The following XRN1 variants were observed in gnomAD, a reference collection of about 807,000 sequenced individuals.
The protein encoded by XRN1 is strand-exchange protein 1 homolog.
A neutral mutation model predicts 222.3 loss-of-function variants in XRN1; 67 were observed. The ratio of observed to expected loss-of-function variants is 0.30; its 90% CI spans 0.25 to 0.37. The LOEUF (loss-of-function observed/expected upper bound fraction) is 0.37. Among genes scored for constraint, XRN1 ranks in the 10% least tolerant of loss-of-function variants. The pLI is 1.00. For synonymous variants in XRN1, 643 were observed against 652.4 expected, an observed-to-expected ratio of 0.99 and a Z score of 0.22; for missense variants, 1,707 against 2,000.2, an observed-to-expected ratio of 0.85 and a Z score of 2.80.
In XRN1 at chr3:142,311,628, A is replaced by C; in HGVS notation, c.4968T>G (p.Val1656=). The change falls in exon 41 of 41, where the codon GTT becomes GTG. Residue 1656 remains valine, a synonymous_variant. Transcript: ENST00000392981. ...PIAQPASSFQ[V]ETASQGHSIS... is the part of the protein sequence containing the mutation. Reference sequence around the variant, plus strand: ...TACTATGGCCTTGAGAGGCAGTTTCAACTTGAAAAGAAGATGCAGGTTGAG... The same window carrying C: ...TACTATGGCCTTGAGAGGCAGTTTCCACTTGAAAAGAAGATGCAGGTTGAG... 3 of 1,614,158 alleles carry C rather than the reference A, an allele frequency of 1.9e-6. No homozygotes were observed. Among genetic ancestry groups the C allele is most frequent in the Non-Finnish European group, 2.5e-6 (3 of 1,180,022 alleles).
rs1216196955 is a variant in XRN1, at chr3:142,425,350, T to A, written c.517-18A>T. 3.1e-6 allele frequency: 5 copies of A among 1,588,160 alleles called. No homozygotes were observed. Among genetic ancestry groups the A allele is most frequent in the East Asian group, 2.2e-5 (1 of 44,538 alleles). ...CCAGGAGTCTAAATAAAATTGTTTT[T>A]AAAAATGCAGTAATATGGTATATGC... On this transcript the variant is annotated intron_variant, in intron 4 of 40. Coordinates refer to ENST00000392981, the MANE Select transcript of XRN1 (RefSeq NM_001282857.2).
chr3:142,376,240 C>T, intron 24 of XRN1: 1 of 609,766 alleles, frequency 1.6e-6, no homozygotes, highest in Non-Finnish European at 2.7e-6. Flanking sequence ...TTCACACACA[C>T]CCTCTGATAC....
At position 142,420,916 on chromosome 3, in the gene XRN1, C is replaced by T. The variant is rs190041092; in HGVS notation, c.1173+100G>A. 8.2e-4 allele frequency: 1,220 copies of T among 1,487,564 alleles called. 12 individuals carry two copies. The African/African-American group carries it at 0.016, about 19-fold the overall frequency. 92.1% of individuals were successfully genotyped at this position (1,487,564 alleles called of 1,614,324 possible). A position where few individuals can be genotyped will look rare whatever the true frequency, so the allele number is the denominator to read the frequency against. On this transcript the variant is annotated intron_variant, in intron 10 of 40. Transcript: ENST00000392981. ...CCTATAGAGAGGAAGAGAAATAAAA[C>T]GAGGCAATCCCAAATCATAAGAAGG...
rs147985894 is a variant in XRN1 at position 142,414,784 on chromosome 3, T to C, written c.1437-493A>G. ...TGCTGGGATTACAGGCGTAAGCCAC[T>C]GCGCCTGGCCTATTTCCTGAATTTT... On this transcript the variant is annotated intron_variant, in intron 13 of 40. Transcript: ENST00000392981. Among the ~76,000 whole-genome samples the C allele has an allele frequency of 9.4e-3, 1,433 of 152,354 alleles. 22 individuals carry two copies. The highest frequency in any genetic ancestry group is 0.033 in the African/African-American group (1,356 of 41,582).
chr3:142,411,917 G>A (rs2068598167), intron 15 of XRN1, among the ~76,000 whole-genome samples: 1 of 151,758 alleles, frequency 6.6e-6, no homozygotes, highest in South Asian at 2.1e-4. Context: ...CGCCCCCGGG[G>A]GTTCACGCCA....
chr3:142,419,044 C>T (rs535088332), intron 10 of XRN1, among the ~76,000 whole-genome samples, 163 bp from the exon 11 acceptor site: 1 of 152,286 alleles, frequency 6.6e-6, no homozygotes, highest in Admixed American at 6.5e-5. Context: ...TCAATCCTTT[C>T]TCTCCTCTAT....
chr3:142,331,552 T>C (rs2065696233), intron 36 of XRN1, among the ~76,000 whole-genome samples: 1 of 152,208 alleles, frequency 6.6e-6, no homozygotes, highest in South Asian at 2.1e-4. Context: ...TAATCTGTAA[T>C]GTATTATTCT....
At chr3:142,312,543 C>A in intron 40 of XRN1, 55 bp downstream of exon 40, 1 of 1,423,404 alleles carries the variant, frequency 7.0e-7, no homozygotes. Flanking sequence ...AAATGTTTAT[C>A]AATAGTCTTT....
At chr3:142,397,881 T>C (rs2067986985) in intron 19 of XRN1, among the ~76,000 whole-genome samples, 1 of 152,116 alleles carries the variant, frequency 6.6e-6, no homozygotes, top group Non-Finnish European at 1.5e-5. Context: ...AATTTGAAAA[T>C]TACATGTCAT....
At chr3:142,332,798 A>C in intron 35 of XRN1, 169 bp downstream of exon 35, 1 of 1,046,474 alleles carries the variant, frequency 9.6e-7, no homozygotes, top group Non-Finnish European at 1.3e-6. Flanking sequence ...CTAAAGAGAA[A>C]AAGTATGGCT....
At chr3:142,406,694 T>C (rs372025057) in intron 15 of XRN1, among the ~76,000 whole-genome samples, 5,649 of 139,774 alleles carry the variant, frequency 0.04, 356 homozygotes, top group African/African-American at 0.14. Context: ...ATCCAGTTCA[T>C]TTTTTTTTTT....
chr3:142,348,739 C>T (rs560450291), intron 32 of XRN1, among the ~76,000 whole-genome samples: 1 of 152,134 alleles, frequency 6.6e-6, no homozygotes, highest in African/African-American at 2.4e-5. Context: ...ATGGGAGTAC[C>T]AAGGAAGACC....
rs940749585 is a variant in XRN1 at position 142,397,177 on chromosome 3, T to C, written c.2339+152A>G. ...TGTAACTACTGCTAATCAGGTATCA[T>C]TTTAAACTAGAACTCATTACTTTCT... is the stretch of plus-strand genomic sequence containing the variant. On this transcript the variant is annotated intron_variant, in intron 20 of 40. Transcript: ENST00000392981. 1.7e-5 allele frequency: 12 copies of C among 690,300 alleles called. No homozygotes were observed. In the African/African-American group the frequency reaches 2.2e-4, roughly 13 times the overall value. The allele number at this position is 690,300 out of a possible 1,614,324, so 42.8% of individuals were successfully genotyped here.
At chr3:142,393,299 T>C (rs1432378074) in intron 20 of XRN1, among the ~76,000 whole-genome samples, 2 of 149,530 alleles carry the variant, frequency 1.3e-5, no homozygotes, top group African/African-American at 5.0e-5. Flanking sequence ...GATGGTAGTT[T>C]CTTTTGCTGT....
intron 15 of XRN1, among the ~76,000 whole-genome samples, chr3:142,408,245 T>C (rs570295617): frequency 9.9e-5 from 15 of 152,282 alleles, no homozygotes; most frequent in African/African-American, 3.6e-4. Context: ...AGTAATACAG[T>C]GAGTAATGCA....
At chr3:142,334,673 A>G (rs973862776) in intron 34 of XRN1, among the ~76,000 whole-genome samples, 1 of 125,964 alleles carries the variant, frequency 7.9e-6, no homozygotes, top group Admixed American at 8.1e-5. Context: ...ATATATGTCT[A>G]TGTGTATATA....
intron 22 of XRN1, among the ~76,000 whole-genome samples, chr3:142,381,194 ATGTG>A (rs1377771949): frequency 1.3e-5 from 2 of 152,096 alleles, no homozygotes; most frequent in Non-Finnish European, 2.9e-5. Flanking sequence ...TTTGTGTACT[ATGTG>A]TGTATTTACT....
Position 142,422,584 on chromosome 3 carries a change from C to A in XRN1, c.965G>T (p.Gly322Val). The change falls in exon 8 of 41, where the codon GGG (glycine) becomes GTG (valine). Residue 322 changes from glycine (G) to valine (V), a missense_variant and splice_region_variant. Gly to Val is a moderately radical substitution (Grantham distance 109). Transcript: ENST00000392981. Reference protein sequence around the residue: ...GTYVTILPELGGYINESGHLN... With the variant: ...GTYVTILPELVGYINESGHLN... ...AGAGATTATTAAATTCTTCTTACCC[C>A]CAAGTTCTGGCAGGATGGTAACATA... The A allele has an allele frequency of 6.2e-7, 1 of 1,612,626 alleles. No individual in the cohort carries two copies. The highest frequency in any genetic ancestry group is 1.1e-5 in the South Asian group (1 of 90,780).
chr3:142,409,806 T>C (rs1319817404), intron 15 of XRN1, among the ~76,000 whole-genome samples: 1 of 152,234 alleles, frequency 6.6e-6, no homozygotes, highest in Non-Finnish European at 1.5e-5. Context: ...CTTCATTTAC[T>C]TAGGTTTTCC....
Sources: gnomAD v4.1 joint callset for allele counts (sites outside exome capture counted in the v4.1 genomes callset) on GRCh38, gnomAD v4.1.1 for gene constraint, MANE v1.5 for transcripts, NCBI Gene and HGNC (gene_info 2026-07-23, HGNC 2026-07-21) for gene names.